Variants in SPIRE1 observed in about 807,000 individuals in gnomAD.
SPIRE1 encodes the protein protein spire homolog 1.
In SPIRE1, 40 loss-of-function variants were observed where a neutral mutation model predicts 94.1. The ratio of observed to expected loss-of-function variants is 0.43; its 90% CI spans 0.33 to 0.55. The LOEUF is 0.55. Among genes scored for constraint, SPIRE1 ranks in the 20% least tolerant of loss-of-function variants. The pLI is 0.06. For synonymous variants in SPIRE1, 376 were observed against 371.7 expected (o/e 1.01, Z -0.13); for missense variants, 838 against 975.2 (o/e 0.86, Z 1.87).
chr18:12,493,876 T>C (rs1221131551), intron 7 of SPIRE1, among the ~76,000 whole-genome samples: 1 of 151,946 alleles, frequency 6.6e-6, no homozygotes, highest in Non-Finnish European at 1.5e-5. Context: ...AGGTTATTAC[T>C]ACTGTTCTTT....
intron 2 of SPIRE1, among the ~76,000 whole-genome samples, chr18:12,558,821 C>A (rs975471400): frequency 1.2e-4 from 19 of 152,030 alleles, no homozygotes; most frequent in African/African-American, 4.3e-4. Context: ...TAAAAGTTCT[C>A]CAAGTCCCCA....
intron 9 of SPIRE1, among the ~76,000 whole-genome samples, chr18:12,480,970 T>G (rs186873245): frequency 1.3e-5 from 2 of 152,176 alleles, no homozygotes; most frequent in African/African-American, 2.4e-5. Flanking sequence ...TGCTAAGTAC[T>G]AAAGTGAAAA....
rs1309906786 is a variant in SPIRE1, at chr18:12,615,335, A to AAAAAAATAAAAAAAAAAT, written c.372+19726_372+19727insATTTTTTTTTTATTTTTT. On this transcript the variant is annotated intron_variant, in intron 2 of 16. Transcript: ENST00000409402. Reference sequence around the variant, plus strand: ...AGAGTGAAACTCTGTCTCAAAAAAAAAAAAAAAAAAATATATATATATATA... The same window carrying AAAAAAATAAAAAAAAAAT: ...AGAGTGAAACTCTGTCTCAAAAAAAAAAAAAATAAAAAAAAAATAAAAAAAAAAATATATATATATATA... 1.6e-3 allele frequency among the ~76,000 whole-genome samples: 63 copies of AAAAAAATAAAAAAAAAAT among 39,920 alleles called. 3 individuals carry two copies. The highest frequency in any genetic ancestry group is 4.3e-3 in the Non-Finnish European group (53 of 12,434). The allele number at this position is 39,920 out of a possible 152,430, so 26.2% of individuals were successfully genotyped here.
rs869122444 is a variant in SPIRE1, at chr18:12,549,439, G to GTT, written c.373-2537_373-2536dup. On this transcript the variant is annotated intron_variant, in intron 2 of 16. Coordinates refer to ENST00000409402, the MANE Select transcript of SPIRE1 (RefSeq NM_001128626.2). ...CTTTTTGTTTGTTTTTGTTATTGTTGTTTTTTTTTTTTTTTTTTTTTTTTT... is the reference window on the plus strand; with the variant it reads ...CTTTTTGTTTGTTTTTGTTATTGTTGTTTTTTTTTTTTTTTTTTTTTTTTTTT... 6.0e-3 allele frequency among the ~76,000 whole-genome samples: 249 copies of GTT among 41,266 alleles called. 26 individuals carry two copies. The highest frequency in any genetic ancestry group is 0.011 in the East Asian group (8 of 698). 27.1% of individuals were successfully genotyped at this position (41,266 alleles called of 152,430 possible).
At chr18:12,607,884 T>C (rs8096455) in intron 2 of SPIRE1, among the ~76,000 whole-genome samples, 85,008 of 151,814 alleles carry the variant, frequency 0.56, 24,965 homozygotes, top group Middle Eastern at 0.76. Context: ...CGGCCGGGCG[T>C]GGTGGCTCAT....
At chr18:12,656,963 G>C (rs993855066) in intron 1 of SPIRE1, among the ~76,000 whole-genome samples, 5 of 152,346 alleles carry the variant, frequency 3.3e-5, no homozygotes, top group African/African-American at 7.2e-5. Flanking sequence ...TCTCCCCAAA[G>C]AGCAGAATTC....
At chr18:12,624,284 T>C (rs2037559523) in intron 2 of SPIRE1, among the ~76,000 whole-genome samples, 1 of 151,400 alleles carries the variant, frequency 6.6e-6, no homozygotes, top group South Asian at 2.1e-4. Flanking sequence ...GGCTCACACC[T>C]GTAATCCCAG....
chr18:12,655,584 C>T (rs34180475), intron 1 of SPIRE1, among the ~76,000 whole-genome samples: 1 of 152,056 alleles, frequency 6.6e-6, no homozygotes, highest in Non-Finnish European at 1.5e-5. Flanking sequence ...TTGTGGAGAA[C>T]AACTCCACTC....
chr18:12,453,027 A>G (rs184693209), intron 14 of SPIRE1, 41 bp downstream of exon 14: 53 of 1,290,360 alleles, frequency 4.1e-5, no homozygotes, highest in Non-Finnish European at 5.2e-5. Flanking sequence ...TTCTCTTACG[A>G]CTGTTAAATT....
chr18:12,547,811 G>T (rs139553169), intron 2 of SPIRE1, among the ~76,000 whole-genome samples: 1 of 152,138 alleles, frequency 6.6e-6, no homozygotes, highest in Non-Finnish European at 1.5e-5. Context: ...GCGTGGTGGC[G>T]TGTGCCGGTA....
intron 2 of SPIRE1, among the ~76,000 whole-genome samples, chr18:12,550,001 C>T (rs575784190): frequency 1.3e-5 from 2 of 152,328 alleles, no homozygotes; most frequent in African/African-American, 4.8e-5. Context: ...TAATCCAACA[C>T]TCTTTTCTGC....
At chr18:12,550,644 G>A (rs1306908320) in intron 2 of SPIRE1, among the ~76,000 whole-genome samples, 1 of 152,154 alleles carries the variant, frequency 6.6e-6, no homozygotes, top group Non-Finnish European at 1.5e-5. Context: ...TTACAGACAT[G>A]AGCCACTATC....
intron 9 of SPIRE1, among the ~76,000 whole-genome samples, chr18:12,484,658 G>C (rs1485748058): frequency 6.6e-6 from 1 of 152,156 alleles, no homozygotes; most frequent in Non-Finnish European, 1.5e-5. Flanking sequence ...AATCCCAAAA[G>C]AAAATATTTG....
intron 10 of SPIRE1, among the ~76,000 whole-genome samples, chr18:12,476,793 T>C (rs1350983329): frequency 6.6e-6 from 1 of 151,904 alleles, no homozygotes; most frequent in Non-Finnish European, 1.5e-5. Flanking sequence ...CAATTTTAGA[T>C]TGAAGAGGAA....
At chr18:12,583,763 A>G (rs1358264672) in intron 2 of SPIRE1, among the ~76,000 whole-genome samples, 1 of 151,956 alleles carries the variant, frequency 6.6e-6, no homozygotes, top group East Asian at 1.9e-4. Flanking sequence ...CACCTCTACA[A>G]AATACAAAAA....
At chr18:12,484,482 T>G (rs781536280) in intron 9 of SPIRE1, among the ~76,000 whole-genome samples, 7 of 152,156 alleles carry the variant, frequency 4.6e-5, no homozygotes, top group Non-Finnish European at 8.8e-5. Flanking sequence ...CCTACACAAA[T>G]AAGCAAAAGA....
intron 2 of SPIRE1, among the ~76,000 whole-genome samples, chr18:12,615,810 T>C (rs2037291403): frequency 1.3e-5 from 2 of 151,814 alleles, no homozygotes; most frequent in Admixed American, 1.3e-4. Context: ...ATTCCTAAAA[T>C]GTTAAAGGAA....
At chr18:12,575,798 G>A (rs2036078834) in intron 2 of SPIRE1, among the ~76,000 whole-genome samples, 1 of 152,220 alleles carries the variant, frequency 6.6e-6, no homozygotes, top group Admixed American at 6.5e-5. Flanking sequence ...CAAATTTATG[G>A]ATTGAAAGAC....
At chr18:12,544,190 C>T (rs959006464) in intron 3 of SPIRE1, among the ~76,000 whole-genome samples, 2 of 151,074 alleles carry the variant, frequency 1.3e-5, no homozygotes, top group Non-Finnish European at 3.0e-5. Flanking sequence ...AATTTTTTTT[C>T]TTTCTTTCTT....
Sources: gnomAD v4.1 joint callset for allele counts (sites outside exome capture counted in the v4.1 genomes callset) on GRCh38, gnomAD v4.1.1 for gene constraint, MANE v1.5 for transcripts, NCBI Gene and HGNC (gene_info 2026-07-23, HGNC 2026-07-21) for gene names.